Variants in SLC35F1 observed in about 807,000 individuals in gnomAD.
SLC35F1 encodes the protein solute carrier family 35 member F1, also known as chromosome 6 open reading frame 169.
In SLC35F1, 14 loss-of-function variants were observed where a neutral mutation model predicts 48.7. The observed-to-expected ratio is 0.29, with a 90% confidence interval of 0.19 to 0.45. The LOEUF (loss-of-function observed/expected upper bound fraction) is 0.45, where lower values mean the gene tolerates loss of function less well. SLC35F1 is among the 20% of genes least tolerant of loss of function. SLC35F1 has a pLI of 1.00. For missense variants in SLC35F1, 404 were observed against 500.0 expected (o/e 0.81, Z 1.83); for synonymous variants, 190 against 202.2 (o/e 0.94, Z 0.51).
chr6:118,267,081 C>A lies in SLC35F1; in HGVS notation c.564C>A (p.Gly188=), dbSNP rs754235792. Reference sequence around the variant, plus strand: ...GGTACAAGGCTGTGCATTTCATCGGCATCGTTGTCTGCATCCTGGGAATGG... The same window carrying A: ...GGTACAAGGCTGTGCATTTCATCGGAATCGTTGTCTGCATCCTGGGAATGG... ...LIRYKAVHFI[G]IVVCILGMGC... is the part of the protein sequence containing the mutation. Residue 188 remains glycine (G), a synonymous_variant, in exon 4 of 8, where the codon GGC becomes GGA. Transcript: ENST00000360388. 41 of 1,613,902 alleles carry A rather than the reference C, an allele frequency of 2.5e-5. No homozygotes were observed. The highest frequency in any genetic ancestry group is 3.3e-5 in the Admixed American group (2 of 59,996).
intron 1 of SLC35F1, among the ~76,000 whole-genome samples, chr6:117,968,356 T>G (rs1538456): frequency 0.37 from 56,389 of 152,034 alleles, 11,017 homozygotes; most frequent in South Asian, 0.52. Context: ...GTTACATTAT[T>G]TGGTAGTATC....
chr6:118,250,160 C>G (rs1033894225), intron 3 of SLC35F1, among the ~76,000 whole-genome samples: 1 of 152,188 alleles, frequency 6.6e-6, no homozygotes, highest in African/African-American at 2.4e-5. Context: ...TCTTCTCTAA[C>G]CACCCTGTTT....
At chr6:118,205,072 G>A (rs565222059) in intron 2 of SLC35F1, among the ~76,000 whole-genome samples, 4 of 152,276 alleles carry the variant, frequency 2.6e-5, no homozygotes, top group East Asian at 1.9e-4. Context: ...CCAGGAGGCC[G>A]CAGAAGATGT....
At chr6:117,975,823 T>C (rs144503209) in intron 1 of SLC35F1, among the ~76,000 whole-genome samples, 78 of 152,346 alleles carry the variant, frequency 5.1e-4, no homozygotes, top group African/African-American at 1.8e-3. Context: ...TATGACTCTT[T>C]AAGAATTTAG....
intron 1 of SLC35F1, among the ~76,000 whole-genome samples, chr6:117,953,779 C>T (rs556307494): frequency 1.3e-5 from 2 of 152,164 alleles, no homozygotes; most frequent in Non-Finnish European, 2.9e-5. Context: ...TTCACATCTA[C>T]AAGTAGGCCC....
chr6:117,990,015 G>A (rs1776896100), intron 1 of SLC35F1, among the ~76,000 whole-genome samples: 2 of 152,104 alleles, frequency 1.3e-5, no homozygotes, highest in African/African-American at 2.4e-5. Context: ...TCCTGACAGT[G>A]AAGCACCTAG....
At chr6:118,157,799 G>A (rs545147926) in intron 2 of SLC35F1, among the ~76,000 whole-genome samples, 3 of 152,286 alleles carry the variant, frequency 2.0e-5, no homozygotes. Flanking sequence ...CACCCAGATT[G>A]AGGGTGGGTC....
chr6:118,012,653 G>C (rs1777265610), intron 1 of SLC35F1, among the ~76,000 whole-genome samples: 1 of 152,194 alleles, frequency 6.6e-6, no homozygotes, highest in Non-Finnish European at 1.5e-5. Context: ...GTAATTCAAT[G>C]AGAATGGTGA....
At chr6:118,059,682 T>C (rs1213985443) in intron 1 of SLC35F1, among the ~76,000 whole-genome samples, 2 of 152,184 alleles carry the variant, frequency 1.3e-5, no homozygotes, top group East Asian at 3.9e-4. Flanking sequence ...AAAAGAGGCA[T>C]GGACAGTCAT....
chr6:118,016,399 T>C (rs1020996543), intron 1 of SLC35F1, among the ~76,000 whole-genome samples: 12 of 152,160 alleles, frequency 7.9e-5, no homozygotes, highest in Admixed American at 7.2e-4. Flanking sequence ...CCATGTAACA[T>C]TGTTTCCCAC....
intron 1 of SLC35F1, among the ~76,000 whole-genome samples, chr6:117,976,134 G>A (rs1776702789): frequency 1.3e-5 from 2 of 152,168 alleles, no homozygotes; most frequent in Non-Finnish European, 2.9e-5. Context: ...GATCTTCTTT[G>A]TCTAGTGAGC....
At chr6:118,025,708 C>T (rs1466656371) in intron 1 of SLC35F1, among the ~76,000 whole-genome samples, 1 of 152,072 alleles carries the variant, frequency 6.6e-6, no homozygotes, top group Non-Finnish European at 1.5e-5. Flanking sequence ...ATTATAATCC[C>T]ACACCATTTT....
intron 1 of SLC35F1, among the ~76,000 whole-genome samples, chr6:117,942,970 T>A (rs996199995): frequency 6.6e-6 from 1 of 152,218 alleles, no homozygotes; most frequent in Non-Finnish European, 1.5e-5. Flanking sequence ...TTCTCTTAGT[T>A]CACAGTTTAT....
At chr6:118,170,289 T>C (rs1774383304) in intron 2 of SLC35F1, among the ~76,000 whole-genome samples, 1 of 152,218 alleles carries the variant, frequency 6.6e-6, no homozygotes, top group Non-Finnish European at 1.5e-5. Context: ...TTTGTTGGAC[T>C]GCTTCTAAGG....
chr6:117,938,346 A>G (rs1049937400), intron 1 of SLC35F1, among the ~76,000 whole-genome samples: 1 of 152,250 alleles, frequency 6.6e-6, no homozygotes, highest in Non-Finnish European at 1.5e-5. Context: ...TAATACTGCC[A>G]TACTGGATCA....
intron 1 of SLC35F1, among the ~76,000 whole-genome samples, chr6:118,114,270 A>G (rs1445378504): frequency 6.6e-6 from 1 of 152,076 alleles, no homozygotes; most frequent in African/African-American, 2.4e-5. Context: ...CTAAATTATC[A>G]TCGCAATTAT....
At position 118,118,204 on chromosome 6, in the gene SLC35F1, A is replaced by G. The variant is rs148018342; in HGVS notation, c.174-36241A>G. Among the ~76,000 whole-genome samples, 9 of 152,308 alleles carry G rather than the reference A, an allele frequency of 5.9e-5. No homozygotes were observed. In the East Asian group the frequency reaches 1.2e-3, roughly 20 times the overall value. On this transcript the variant is annotated intron_variant, in intron 1 of 7. Coordinates refer to ENST00000360388, the MANE Select transcript of SLC35F1 (RefSeq NM_001029858.4). ...TCCACCTGCAACATAGGAGAACTCC[A>G]CTTGCTCTGAATCTTTGTTAATACT...
chr6:118,075,658 A>G (rs1157188737), intron 1 of SLC35F1, among the ~76,000 whole-genome samples: 3 of 152,194 alleles, frequency 2.0e-5, no homozygotes, highest in Admixed American at 6.5e-5. Flanking sequence ...TTGATCTATC[A>G]TTGCTTTATT....
intron 1 of SLC35F1, among the ~76,000 whole-genome samples, chr6:118,009,874 GA>G: frequency 6.6e-6 from 1 of 152,098 alleles, no homozygotes; most frequent in Non-Finnish European, 1.5e-5. Flanking sequence ...GCCTACTTAA[GA>G]AAAAATTTTT....
Sources: allele counts gnomAD v4.1 joint callset (sites outside exome capture counted in the v4.1 genomes callset), GRCh38; gene constraint gnomAD v4.1.1; transcripts MANE v1.5; gene names NCBI Gene and HGNC (gene_info 2026-07-23, HGNC 2026-07-21).